The following MAGI1 variants were observed in gnomAD, a reference collection of about 807,000 sequenced individuals.
MAGI1 encodes the protein membrane-associated guanylate kinase, WW and PDZ domain-containing protein 1.
In MAGI1, 58 loss-of-function variants were observed where a neutral mutation model predicts 139.9. The observed-to-expected ratio is 0.41, with a 90% CI of 0.34 to 0.52. The LOEUF (loss-of-function observed/expected upper bound fraction) is 0.52, where lower values mean the gene tolerates loss of function less well. MAGI1 is among the 20% of genes least tolerant of loss of function. The probability of loss-of-function intolerance (pLI) is 0.12; values close to 1 mark genes in which losing one functional copy is unlikely to be tolerated. For missense variants in MAGI1, 1,874 were observed against 1,901.6 expected, an observed-to-expected ratio of 0.99 and a Z score of 0.27; for synonymous variants, 812 against 737.9, an observed-to-expected ratio of 1.10 and a Z score of -1.63.
chr3:65,402,657 T>C (rs1289007285), intron 12 of MAGI1, among the ~76,000 whole-genome samples: 1 of 152,108 alleles, frequency 6.6e-6, no homozygotes, highest in Non-Finnish European at 1.5e-5. Context: ...CTCAACTCTT[T>C]TGGAAGTGAC....
intron 1 of MAGI1, among the ~76,000 whole-genome samples, chr3:65,726,223 A>G (rs1372337894): frequency 6.6e-6 from 1 of 152,122 alleles, no homozygotes; most frequent in Non-Finnish European, 1.5e-5. Flanking sequence ...TGCCACCTGG[A>G]GAATAAGATA....
At chr3:65,711,582 T>A (rs1027905697) in intron 1 of MAGI1, among the ~76,000 whole-genome samples, 1 of 152,228 alleles carries the variant, frequency 6.6e-6, no homozygotes. Flanking sequence ...AGAATGTGAA[T>A]GTATTTACAT....
intron 12 of MAGI1, among the ~76,000 whole-genome samples, chr3:65,405,345 C>A (rs1440573545): frequency 1.3e-5 from 2 of 152,142 alleles, no homozygotes; most frequent in African/African-American, 4.8e-5. Flanking sequence ...GGCAGAATGT[C>A]ATAGTTGGTG....
chr3:65,638,250 G>C (rs143846779), intron 1 of MAGI1, among the ~76,000 whole-genome samples: 21 of 152,230 alleles, frequency 1.4e-4, no homozygotes, highest in Non-Finnish European at 2.2e-4. Context: ...GCTCACTAAT[G>C]TGAGCTACCC....
chr3:65,449,386 T>C (rs1236141690), intron 6 of MAGI1, among the ~76,000 whole-genome samples: 1 of 152,196 alleles, frequency 6.6e-6, no homozygotes, highest in Non-Finnish European at 1.5e-5. Flanking sequence ...TTGGATATTA[T>C]CTAATGTCTT....
At chr3:65,640,048 T>C (rs2084901713) in intron 1 of MAGI1, among the ~76,000 whole-genome samples, 1 of 151,798 alleles carries the variant, frequency 6.6e-6, no homozygotes, top group Admixed American at 6.6e-5. Flanking sequence ...CAGTTTTTCC[T>C]GTGTTCAGAC....
intron 1 of MAGI1, among the ~76,000 whole-genome samples, chr3:65,879,460 A>G (rs1196797407): frequency 6.6e-6 from 1 of 152,128 alleles, no homozygotes; most frequent in Non-Finnish European, 1.5e-5. Context: ...TGATCATGTT[A>G]TTACACTTGG....
chr3:65,489,744 T>A (rs1951872826), intron 3 of MAGI1, among the ~76,000 whole-genome samples: 1 of 152,206 alleles, frequency 6.6e-6, no homozygotes, highest in South Asian at 2.1e-4. Context: ...GTAAACGAGA[T>A]ATACATATAT....
chr3:65,478,448 G>C, intron 4 of MAGI1, 144 bp downstream of exon 4: 1 of 722,500 alleles, frequency 1.4e-6, no homozygotes, highest in East Asian at 2.5e-5. Flanking sequence ...CATCTCTTCT[G>C]CAAGCACTGT....
chr3:65,592,686 T>A (rs564223224), intron 2 of MAGI1, among the ~76,000 whole-genome samples: 2 of 152,278 alleles, frequency 1.3e-5, no homozygotes, highest in South Asian at 4.1e-4. Flanking sequence ...CACACGCACA[T>A]GCAGTTACTT....
At chr3:65,997,438 C>T (rs1347770404) in intron 1 of MAGI1, among the ~76,000 whole-genome samples, 4 of 152,040 alleles carry the variant, frequency 2.6e-5, no homozygotes, top group African/African-American at 9.7e-5. Flanking sequence ...AGGTGGATCA[C>T]GAGGTCAAGA....
At chr3:66,025,613 C>G (rs1320090367) in intron 1 of MAGI1, among the ~76,000 whole-genome samples, 1 of 152,138 alleles carries the variant, frequency 6.6e-6, no homozygotes, top group Middle Eastern at 3.2e-3. Context: ...AACTCCCACC[C>G]AAACAGCATG....
At chr3:65,403,494 G>T (rs1423566014) in intron 12 of MAGI1, among the ~76,000 whole-genome samples, 4 of 152,092 alleles carry the variant, frequency 2.6e-5, no homozygotes, top group African/African-American at 9.7e-5. Flanking sequence ...GGTTGTATAA[G>T]TGTGGGTCAC....
chr3:65,648,622 GTAAA>G (rs1328535858), intron 1 of MAGI1, among the ~76,000 whole-genome samples: 4 of 152,148 alleles, frequency 2.6e-5, no homozygotes, highest in African/African-American at 9.7e-5. Flanking sequence ...AGTCGACACA[GTAAA>G]TATAGTATAA....
chr3:65,559,867 T>C (rs976731104), intron 2 of MAGI1, among the ~76,000 whole-genome samples: 1 of 152,154 alleles, frequency 6.6e-6, no homozygotes, highest in African/African-American at 2.4e-5. Flanking sequence ...AGACCCTATG[T>C]GTATAAAATA....
In MAGI1 at chr3:65,983,101, G is replaced by T. The variant is rs530981359; in HGVS notation, c.313+54895C>A. 1.3e-4 allele frequency among the ~76,000 whole-genome samples: 20 copies of T among 152,084 alleles called. 1 individual carries two copies. Among genetic ancestry groups the T allele is most frequent in the African/African-American group, 4.6e-4 (19 of 41,492 alleles). On this transcript the variant is annotated intron_variant, in intron 1 of 22. Transcript: ENST00000402939. The stretch of plus-strand genomic sequence containing the variant: ...TGCCCAGGTTATTTTTGTTTTTGTT[G>T]AAATGGGGTCTTGCTTTGTTGCCCA...
chr3:65,355,793 T>A lies in MAGI1; in HGVS notation c.*585A>T, dbSNP rs1203243671. 6.6e-6 allele frequency: 1 copy of A among 152,670 alleles called. No individual in the cohort carries two copies. Among genetic ancestry groups the A allele is most frequent in the African/African-American group, 2.4e-5 (1 of 41,474 alleles). The allele number at this position is 152,670 out of a possible 1,614,324, so 9.5% of individuals were successfully genotyped here. A position where few individuals can be genotyped will look rare whatever the true frequency, so the allele number is the denominator to read the frequency against. ...TTGTGCTGCGCAGTTTAGCTATAAA[T>A]ATCCTTCATTTGCAATAGTAGTCTT... On this transcript the variant is annotated 3_prime_UTR_variant, in exon 23 of 23. Coordinates refer to ENST00000402939, the MANE Select transcript of MAGI1 (RefSeq NM_001033057.2).
At chr3:66,006,418 G>A (rs2067013082) in intron 1 of MAGI1, among the ~76,000 whole-genome samples, 1 of 152,078 alleles carries the variant, frequency 6.6e-6, no homozygotes, top group African/African-American at 2.4e-5. Context: ...TTTCACTTGT[G>A]ACACATATAT....
intron 2 of MAGI1, among the ~76,000 whole-genome samples, chr3:65,508,829 C>A (rs866947310): frequency 1.3e-5 from 2 of 152,162 alleles, no homozygotes; most frequent in African/African-American, 4.8e-5. Context: ...GTGTCATTAT[C>A]ACACAATGCT....
Sources: allele counts gnomAD v4.1 joint callset (sites outside exome capture counted in the v4.1 genomes callset), GRCh38; gene constraint gnomAD v4.1.1; transcripts MANE v1.5; gene names NCBI Gene and HGNC (gene_info 2026-07-23, HGNC 2026-07-21).